CCT8: variants seen among roughly 807,000 people sequenced by gnomAD.
CCT8 encodes the protein T-complex protein 1 subunit theta.
A neutral mutation model predicts 65.7 loss-of-function variants in CCT8; 10 were observed. That is an observed-to-expected ratio of 0.15 (90% CI 0.09 to 0.26). The LOEUF (loss-of-function observed/expected upper bound fraction) is 0.26, where lower values mean the gene tolerates loss of function less well. CCT8 is among the 10% of genes least tolerant of loss of function. The pLI is 1.00. For synonymous variants in CCT8, 199 were observed against 221.8 expected (o/e 0.90, Z 0.92); for missense variants, 568 against 669.1 (o/e 0.85, Z 1.67).
chr21:29,059,899 T>C (rs1568909160), intron 14 of CCT8: 1 of 152,348 alleles, frequency 6.6e-6, no homozygotes, highest in East Asian at 1.9e-4. Flanking sequence ...ACCTAATGGA[T>C]GTATACTGTC....
chr21:29,068,391 A>C (rs1331971535), intron 3 of CCT8, among the ~76,000 whole-genome samples: 1 of 152,186 alleles, frequency 6.6e-6, no homozygotes, highest in Non-Finnish European at 1.5e-5. Flanking sequence ...AAACCCTTGT[A>C]CAAGTGTTTT....
chr21:29,061,514 C>A lies in CCT8; in HGVS notation c.1266G>T (p.Gln422His). The stretch of plus-strand genomic sequence containing the variant: ...GCTGTACCTCTCCATATGATGTGAT[C>A]TGTTTGGCTAATTCAATTTCTGTTG... ...GGATEIELAKQITSYGETCPG... is the reference protein window; with the variant it reads ...GGATEIELAKHITSYGETCPG... The change falls in exon 12 of 15, where the codon CAG becomes CAT. Residue 422 changes from glutamine to histidine, a missense_variant. Transcript: ENST00000286788. The A allele has an allele frequency of 6.2e-7, 1 of 1,613,968 alleles. No homozygotes were observed. Among genetic ancestry groups the A allele is most frequent in the Non-Finnish European group, 8.5e-7 (1 of 1,179,872 alleles).
intron 1 of CCT8, chr21:29,072,370 G>A (rs1049696412): frequency 6.2e-6 from 1 of 160,006 alleles, no homozygotes; most frequent in Non-Finnish European, 1.4e-5. Flanking sequence ...TTTATTGAAA[G>A]AAATAGCTCA....
intron 4 of CCT8, among the ~76,000 whole-genome samples, 166 bp from the exon 5 acceptor site, chr21:29,067,237 C>A (rs992871942): frequency 3.3e-5 from 5 of 152,108 alleles, no homozygotes; most frequent in Admixed American, 2.0e-4. Context: ...TAGATGACAG[C>A]CCAAATTTGA....
chr21:29,073,469 C>T, intron 1 of CCT8, 62 bp downstream of exon 1: 1 of 1,611,950 alleles, frequency 6.2e-7, no homozygotes, highest in Non-Finnish European at 8.5e-7. Context: ...CCTCCTACTT[C>T]GCCGCGGCCG....
chr21:29,066,592 G>C, intron 6 of CCT8, 124 bp downstream of exon 6: 1 of 588,684 alleles, frequency 1.7e-6, no homozygotes, highest in Non-Finnish European at 3.0e-6. Flanking sequence ...AGTCCTAAGT[G>C]TTCAAATCAT....
chr21:29,073,390 C>T (rs2085705614), intron 1 of CCT8, 141 bp downstream of exon 1: 1 of 1,482,416 alleles, frequency 6.7e-7, no homozygotes, highest in African/African-American at 1.4e-5. Context: ...CCAAAATCAC[C>T]TCCCTTTCTG....
At chr21:29,061,224 C>T in intron 13 of CCT8, 29 bp downstream of exon 13, 1 of 1,561,098 alleles carries the variant, frequency 6.4e-7, no homozygotes, top group Non-Finnish European at 8.8e-7. Context: ...CCAAATAAAG[C>T]AATTTAAGTT....
chr21:29,057,332 C>T (rs933596677), intron 14 of CCT8, among the ~76,000 whole-genome samples: 11 of 151,626 alleles, frequency 7.3e-5, no homozygotes, highest in Non-Finnish European at 1.5e-4. Flanking sequence ...TCACCATGCC[C>T]GGCTAAGTTT....
At chr21:29,057,754 TATG>T (rs201266561) in intron 14 of CCT8, among the ~76,000 whole-genome samples, 1,297 of 94,114 alleles carry the variant, frequency 0.014, 17 homozygotes, top group African/African-American at 0.035. Context: ...CATGTATATG[TATG>T]ATATGAGATA....
intron 14 of CCT8, among the ~76,000 whole-genome samples, chr21:29,060,280 T>G (rs1394642978): frequency 1.3e-5 from 2 of 152,092 alleles, no homozygotes; most frequent in Non-Finnish European, 2.9e-5. Context: ...CCTTCCAAAT[T>G]CCATGTTAGT....
At chr21:29,066,842 TTAAAGG>T in intron 5 of CCT8, 43 bp downstream of exon 5, 1 of 1,578,660 alleles carries the variant, frequency 6.3e-7, no homozygotes, top group Non-Finnish European at 8.7e-7. Flanking sequence ...TCTAGTCATG[TTAAAGG>T]TATTTTTATT....
At chr21:29,071,797 CT>C (rs1436033799) in intron 1 of CCT8, among the ~76,000 whole-genome samples, 1 of 152,148 alleles carries the variant, frequency 6.6e-6, no homozygotes, top group African/African-American at 2.4e-5. Flanking sequence ...ACTCCCCATT[CT>C]GTGAGAAACT....
At chr21:29,073,479 G>A in intron 1 of CCT8, 52 bp downstream of exon 1, 4 of 1,612,176 alleles carry the variant, frequency 2.5e-6, no homozygotes, top group Non-Finnish European at 3.4e-6. Context: ...CGCCGCGGCC[G>A]CCGCAGCCCT....
intron 5 of CCT8, 25 bp downstream of exon 5, chr21:29,066,866 T>C (rs757815887): frequency 1.3e-6 from 2 of 1,589,778 alleles, no homozygotes; most frequent in Non-Finnish European, 1.7e-6. Flanking sequence ...ATTTTGGATC[T>C]TTTCATTTAC....
At chr21:29,065,526 T>C (rs1262429938) in intron 6 of CCT8, among the ~76,000 whole-genome samples, 4 of 152,230 alleles carry the variant, frequency 2.6e-5, no homozygotes, top group African/African-American at 9.6e-5. Context: ...ATAGAACACG[T>C]GAGTATCTTC....
intron 3 of CCT8, among the ~76,000 whole-genome samples, chr21:29,068,368 C>T (rs1209480239): frequency 1.3e-5 from 2 of 152,136 alleles, no homozygotes; most frequent in Non-Finnish European, 2.9e-5. Context: ...GCAACATTAA[C>T]ATTCACAGTG....
At chr21:29,070,436 A>G in intron 1 of CCT8, 99 bp from the exon 2 acceptor site, 1 of 649,816 alleles carries the variant, frequency 1.5e-6, no homozygotes, top group Non-Finnish European at 2.6e-6. Flanking sequence ...TGCCTCTAAT[A>G]AAGAGGGAGC....
intron 6 of CCT8, among the ~76,000 whole-genome samples, chr21:29,066,149 G>A (rs1448525849): frequency 6.6e-6 from 1 of 151,126 alleles, no homozygotes; most frequent in Non-Finnish European, 1.5e-5. Flanking sequence ...AGACATCACA[G>A]AAAATGACTT....
Sources: gnomAD v4.1 joint callset for allele counts (sites outside exome capture counted in the v4.1 genomes callset) on GRCh38, gnomAD v4.1.1 for gene constraint, MANE v1.5 for transcripts, NCBI Gene and HGNC (gene_info 2026-07-23, HGNC 2026-07-21) for gene names.